ALG13: variants seen among roughly 807,000 people sequenced by gnomAD.
The protein encoded by ALG13 is UDP-N-acetylglucosamine transferase subunit ALG13.
In ALG13, 11 loss-of-function variants were observed where a neutral mutation model predicts 87.8. The ratio of observed to expected loss-of-function variants is 0.13; its 90% CI spans 0.08 to 0.21. The LOEUF (loss-of-function observed/expected upper bound fraction) is 0.21, where lower values mean the gene tolerates loss of function less well. Ranked by LOEUF, ALG13 falls within the 10% of genes least tolerant of loss-of-function variation. The probability of loss-of-function intolerance (pLI) is 1.00; values close to 1 mark genes in which losing one functional copy is unlikely to be tolerated. For missense variants in ALG13, 756 were observed against 866.1 expected, an observed-to-expected ratio of 0.87 and a Z score of 1.60; for synonymous variants, 320 against 306.3, an observed-to-expected ratio of 1.04 and a Z score of -0.47.
chrX:111,716,549 G>T (rs754524757), intron 8 of ALG13, among the ~76,000 whole-genome samples: 5 of 112,205 alleles, frequency 4.5e-5, no homozygotes, highest in Non-Finnish European at 9.4e-5. Flanking sequence ...GTTCTTATGG[G>T]TTAATAAACT....
intron 23 of ALG13, among the ~76,000 whole-genome samples, chrX:111,739,474 A>G (rs942684754): frequency 8.9e-6 from 1 of 112,631 alleles, no homozygotes; most frequent in African/African-American, 3.2e-5. Context: ...ACCCAGAGCA[A>G]TAAACAGCAG....
chrX:111,736,195 T>C (rs1284248616), intron 22 of ALG13, among the ~76,000 whole-genome samples: 1 of 111,427 alleles, frequency 9.0e-6, no homozygotes, highest in Non-Finnish European at 1.9e-5. Context: ...CCTAAGCTAC[T>C]CAGGAGGCTG....
intron 5 of ALG13, 24 bp downstream of exon 5, chrX:111,709,072 G>C (rs760334852): frequency 5.0e-6 from 5 of 993,344 alleles, no homozygotes; most frequent in Non-Finnish European, 4.2e-6. Context: ...ATACCCAGGG[G>C]AGAACTGGTA....
chrX:111,681,252 A>G lies in ALG13; in HGVS notation c.34A>G (p.Ser12Gly). The G allele has an allele frequency of 1.6e-6, 2 of 1,212,172 alleles. No individual in the cohort carries two copies. Among genetic ancestry groups the G allele is most frequent in the Non-Finnish European group, 2.2e-6 (2 of 895,563 alleles). Reference protein sequence around the residue: ...KCVFVTVGTTSFDDLIACVSA... With the variant: ...KCVFVTVGTTGFDDLIACVSA... ...CGTGTTTGTTACCGTAGGGACCACC[A>G]GCTTTGACGACCTCATTGCGTGTGT... Residue 12 changes from serine (S) to glycine (G), a missense_variant, in exon 1 of 27, where the codon AGC (serine) becomes GGC (glycine). This residue lies in a region of ALG13 where 153 missense variants were observed against 168.7 expected (regional missense o/e 0.91). Coordinates refer to ENST00000394780, the MANE Select transcript of ALG13 (RefSeq NM_001099922.3).
intron 23 of ALG13, among the ~76,000 whole-genome samples, chrX:111,738,709 T>C (rs1345163048): frequency 1.8e-5 from 2 of 110,421 alleles, no homozygotes; most frequent in Non-Finnish European, 3.8e-5. Context: ...GGCTAATTAC[T>C]GTGTTTTTGT....
chrX:111,738,086 C>T, intron 23 of ALG13, among the ~76,000 whole-genome samples: 1 of 112,356 alleles, frequency 8.9e-6, no homozygotes, highest in Non-Finnish European at 1.9e-5. Context: ...TCTAAATAAA[C>T]TAAAAACTGT....
At chrX:111,744,575 T>C (rs1235886109) in intron 23 of ALG13, 93 bp from the exon 24 acceptor site, 3 of 970,897 alleles carry the variant, frequency 3.1e-6, no homozygotes, top group Non-Finnish European at 4.2e-6. Context: ...AAGAGTTCTT[T>C]GACCATACTG....
At chrX:111,727,145 G>A (rs1444636733) in intron 16 of ALG13, 90 bp downstream of exon 16, 3 of 1,071,966 alleles carry the variant, frequency 2.8e-6, no homozygotes, top group East Asian at 3.0e-5. Context: ...ATCAAGATGA[G>A]GGTCTCTGTG....
At chrX:111,751,557 C>A (rs1005369706) in intron 24 of ALG13, among the ~76,000 whole-genome samples, 3 of 111,763 alleles carry the variant, frequency 2.7e-5, no homozygotes, top group African/African-American at 9.8e-5. Context: ...GCTATTAATA[C>A]TGCTACGTGC....
chrX:111,709,040 T>G lies in ALG13; in HGVS notation c.826T>G (p.Phe276Val), dbSNP rs761631866. Reference protein sequence around the residue: ...VSYMRENQQTFESYVEGSFEK... With the variant: ...VSYMRENQQTVESYVEGSFEK... Reference sequence around the variant, plus strand: ...ATATATGAGGGAAAATCAACAAACTTTTGAGTCTGTAAGTAGAATACATAC... The same window carrying G: ...ATATATGAGGGAAAATCAACAAACTGTTGAGTCTGTAAGTAGAATACATAC... Residue 276 changes from phenylalanine (F) to valine (V), a missense_variant, in exon 5 of 27, where the codon TTT becomes GTT. Physicochemically the swap from Phe to Val is conservative, Grantham distance 50. Transcript: ENST00000394780. 1 of 1,154,869 alleles carries G rather than the reference T, an allele frequency of 8.7e-7. No homozygotes were observed. The highest frequency in any genetic ancestry group is 1.8e-5 in the African/African-American group (1 of 56,690).
chrX:111,702,446 C>T (rs934052257), intron 3 of ALG13, among the ~76,000 whole-genome samples: 1 of 111,803 alleles, frequency 8.9e-6, no homozygotes, highest in Admixed American at 9.5e-5. Flanking sequence ...TATTTCCTTT[C>T]CTGTAAAACT....
intron 3 of ALG13, chrX:111,690,115 C>A (rs1160529489): frequency 5.2e-5 from 39 of 748,231 alleles, no homozygotes; most frequent in Admixed American, 8.8e-5. Context: ...AGGAAACATG[C>A]TAAATTAATC....
chrX:111,705,551 A>G (rs1043403472), intron 3 of ALG13, among the ~76,000 whole-genome samples: 2 of 110,638 alleles, frequency 1.8e-5, no homozygotes, highest in Admixed American at 1.9e-4. Flanking sequence ...GATCTTAAAG[A>G]TTTTCTCCTA....
At chrX:111,699,021 G>A (rs1272889469) in intron 3 of ALG13, among the ~76,000 whole-genome samples, 1 of 111,662 alleles carries the variant, frequency 9.0e-6, no homozygotes, top group Non-Finnish European at 1.9e-5. Context: ...GCCAACACTT[G>A]TTATCTTTCA....
intron 3 of ALG13, among the ~76,000 whole-genome samples, chrX:111,687,241 AGC>A (rs747752488): frequency 8.9e-5 from 10 of 112,666 alleles, no homozygotes; most frequent in Non-Finnish European, 1.9e-4. Flanking sequence ...CACCACACCC[AGC>A]CAATAATTGG....
At chrX:111,688,378 A>G in intron 3 of ALG13, 4 of 725,120 alleles carry the variant, frequency 5.5e-6, no homozygotes, top group Non-Finnish European at 6.5e-6. Flanking sequence ...TTTATGTAAA[A>G]AAATTTTACA....
At chrX:111,684,519 C>G (rs978476566) in intron 2 of ALG13, among the ~76,000 whole-genome samples, 1 of 110,839 alleles carries the variant, frequency 9.0e-6, no homozygotes, top group Non-Finnish European at 1.9e-5. Flanking sequence ...GAGACAAGGT[C>G]TCTCTATGTT....
chrX:111,719,106 A>G (rs1277540868), intron 10 of ALG13, among the ~76,000 whole-genome samples: 1 of 103,862 alleles, frequency 9.6e-6, no homozygotes, highest in Non-Finnish European at 2.0e-5. Context: ...AGCTCACTGC[A>G]ACCTCCGCCT....
At chrX:111,722,770 G>T in intron 12 of ALG13, 23 bp from the exon 13 acceptor site, 1 of 1,118,341 alleles carries the variant, frequency 8.9e-7, no homozygotes, top group East Asian at 3.1e-5. Flanking sequence ...AGTTGAGCTT[G>T]AATCTTCATT....
Sources: allele counts gnomAD v4.1 joint callset (sites outside exome capture counted in the v4.1 genomes callset), GRCh38; gene constraint gnomAD v4.1.1; regional missense constraint gnomAD v4.1.1; transcripts MANE v1.5; gene names NCBI Gene and HGNC (gene_info 2026-07-23, HGNC 2026-07-21).